The following PHF5A variants were observed in gnomAD, a reference collection of about 807,000 sequenced individuals.
PHF5A encodes the protein PHD finger protein 5A, also known as PHD finger-like domain-containing protein 5A.
For missense variants in PHF5A, 24 were observed against 140.6 expected, an observed-to-expected ratio of 0.17 and a Z score of 4.19; for synonymous variants, 52 against 46.0, an observed-to-expected ratio of 1.13 and a Z score of -0.52.
rs376563899 is a variant in PHF5A at position 41,468,558 on chromosome 22, A to G, written c.52+44T>C. ...GGAACCCCCGACCCCCCAGCTCCTA[A>G]TACCACCCCTGCCCAGACAGCCAGG... is the stretch of plus-strand genomic sequence containing the variant. On this transcript the variant is annotated intron_variant, in intron 1 of 3. Transcript: ENST00000216252. 13 of 1,608,702 alleles carry G rather than the reference A, an allele frequency of 8.1e-6. No homozygotes were observed. In the African/African-American group the frequency reaches 1.7e-4, roughly 21 times the overall value.
intron 3 of PHF5A, 92 bp downstream of exon 3, chr22:41,467,356 A>T (rs1568995439): frequency 1.6e-6 from 2 of 1,237,652 alleles, no homozygotes; most frequent in South Asian, 2.8e-5. Context: ...AGATGAACAC[A>T]GTAATCTCCA....
intron 3 of PHF5A, among the ~76,000 whole-genome samples, chr22:41,465,905 A>AATAT: frequency 1.3e-5 from 2 of 152,006 alleles, no homozygotes; most frequent in Non-Finnish European, 2.9e-5. Context: ...TAAATAAATA[A>AATAT]ATAAAAGGAC....
rs1601866057 is a variant in PHF5A, at chr22:41,464,296, T to G, written c.243+3152A>C. Among the ~76,000 whole-genome samples the G allele has an allele frequency of 2.0e-5, 3 of 152,228 alleles. No individual in the cohort carries two copies. The East Asian group carries it at 5.8e-4, about 29-fold the overall frequency. On this transcript the variant is annotated intron_variant, in intron 3 of 3. Coordinates refer to ENST00000216252, the MANE Select transcript of PHF5A (RefSeq NM_032758.4). Reference sequence around the variant, plus strand: ...ATGAGAATACCTAGCTTAGCTTACCTGTCTAATTCCCTTATCAATTATGAA... The same window carrying G: ...ATGAGAATACCTAGCTTAGCTTACCGGTCTAATTCCCTTATCAATTATGAA...
chr22:41,467,865 T>A (rs2037883136), intron 2 of PHF5A, among the ~76,000 whole-genome samples: 1 of 152,214 alleles, frequency 6.6e-6, no homozygotes, highest in Non-Finnish European at 1.5e-5. Context: ...TAAGCCTGTA[T>A]AATTGCTGGC....
Position 41,460,369 on chromosome 22 carries a change from G to A in PHF5A, c.*29C>T, listed in dbSNP as rs372071367. On this transcript the variant is annotated 3_prime_UTR_variant, in exon 4 of 4. Coordinates refer to ENST00000216252, the MANE Select transcript of PHF5A (RefSeq NM_032758.4). ...TTTCTGGCAGCTGCAGCAGACTGAT[G>A]TTGGGGGGAGGAAGGGGCCACCCAC... 8.3e-5 allele frequency: 129 copies of A among 1,557,724 alleles called. No homozygotes were observed. The African/African-American group carries it at 1.6e-3, about 20-fold the overall frequency.
At chr22:41,464,922 G>A (rs2037854186) in intron 3 of PHF5A, among the ~76,000 whole-genome samples, 2 of 152,180 alleles carry the variant, frequency 1.3e-5, no homozygotes, top group South Asian at 4.1e-4. Context: ...TACCATGCTT[G>A]CACCGCATGT....
chr22:41,466,907 G>T (rs1041907409), intron 3 of PHF5A, among the ~76,000 whole-genome samples: 1 of 151,938 alleles, frequency 6.6e-6, no homozygotes, highest in Non-Finnish European at 1.5e-5. Flanking sequence ...GATCGTTTGA[G>T]CCCAGGGGGT....
rs747791392 is a variant in PHF5A, at chr22:41,460,502, AG to A, written c.244-16del. 5 of 1,584,880 alleles carry A rather than the reference AG, an allele frequency of 3.2e-6. No homozygotes were observed. In the East Asian group the frequency reaches 1.1e-4, roughly 36 times the overall value. ...CAGCCATCTCTCTGGAAAACAGAAC[AG>A]AGAAGTTGTTAAGTCTTTGAGCCTG... is the stretch of plus-strand genomic sequence containing the variant. On this transcript the variant is annotated splice_polypyrimidine_tract_variant and intron_variant, in intron 3 of 3. Transcript: ENST00000216252.
chr22:41,466,938 C>CA (rs1241700649), intron 3 of PHF5A, among the ~76,000 whole-genome samples: 5 of 151,724 alleles, frequency 3.3e-5, no homozygotes, highest in Non-Finnish European at 7.4e-5. Flanking sequence ...GTGAGCCTTG[C>CA]ACATGATCAT....
intron 3 of PHF5A, among the ~76,000 whole-genome samples, chr22:41,462,078 G>A (rs927375810): frequency 6.6e-6 from 1 of 152,184 alleles, no homozygotes; most frequent in African/African-American, 2.4e-5. Flanking sequence ...GATGGCTGTT[G>A]ACAGACCATG....
rs2037817268 is a variant in PHF5A at position 41,460,336 on chromosome 22, A to G, written c.*62T>C. On this transcript the variant is annotated 3_prime_UTR_variant, in exon 4 of 4. Coordinates refer to ENST00000216252, the MANE Select transcript of PHF5A (RefSeq NM_032758.4). ...CTGCTCCCTTTCTGCTGGTAGTAGT[A>G]GGCATGTTTTCTGGCAGCTGCAGCA... 7.4e-7 allele frequency: 1 copy of G among 1,344,880 alleles called. No individual in the cohort carries two copies. The highest frequency in any genetic ancestry group is 1.1e-6 in the Non-Finnish European group (1 of 951,718). The allele number at this position is 1,344,880 out of a possible 1,614,324, so 83.3% of individuals were successfully genotyped here.
In PHF5A at chr22:41,460,286, G is replaced by C. The variant is rs765844652; in HGVS notation, c.*112C>G. 3 of 805,902 alleles carry C rather than the reference G, an allele frequency of 3.7e-6. No homozygotes were observed. The highest frequency in any genetic ancestry group is 5.9e-6 in the Non-Finnish European group (3 of 507,958). The allele number at this position is 805,902 out of a possible 1,614,324, so 49.9% of individuals were successfully genotyped here. ...GTGGCAAGCTGCCAGTACACTAGCA[G>C]GCACTCCTGGTGATGCTCTGGGCTC... is the stretch of plus-strand genomic sequence containing the variant. On this transcript the variant is annotated 3_prime_UTR_variant, in exon 4 of 4. Transcript: ENST00000216252.
intron 3 of PHF5A, among the ~76,000 whole-genome samples, chr22:41,461,641 A>G (rs1224208028): frequency 6.6e-6 from 1 of 151,792 alleles, no homozygotes; most frequent in Non-Finnish European, 1.5e-5. Flanking sequence ...TACAGGCGTG[A>G]GTCACAGTGC....
Position 41,460,353 on chromosome 22 carries a change from G to T in PHF5A, c.*45C>A. On this transcript the variant is annotated 3_prime_UTR_variant, in exon 4 of 4. Coordinates refer to ENST00000216252, the MANE Select transcript of PHF5A (RefSeq NM_032758.4). ...GTAGTAGTAGGCATGTTTTCTGGCA[G>T]CTGCAGCAGACTGATGTTGGGGGGA... 1 of 1,477,976 alleles carries T rather than the reference G, an allele frequency of 6.8e-7. No individual in the cohort carries two copies. The highest frequency in any genetic ancestry group is 9.3e-7 in the Non-Finnish European group (1 of 1,070,632). 91.6% of individuals were successfully genotyped at this position (1,477,976 alleles called of 1,614,324 possible).
In PHF5A at chr22:41,459,886, G is replaced by T. The variant is rs2037812436; in HGVS notation, c.*512C>A. On this transcript the variant is annotated 3_prime_UTR_variant, in exon 4 of 4. Transcript: ENST00000216252. ...TGTTAAACAAGTAAATGCCTTTCAAGAGGGCAGAGCCCTGCCCCCCCACCC... is the reference window on the plus strand; with the variant it reads ...TGTTAAACAAGTAAATGCCTTTCAATAGGGCAGAGCCCTGCCCCCCCACCC... 1 of 119,782 alleles carries T rather than the reference G, an allele frequency of 8.3e-6. No individual in the cohort carries two copies. The highest frequency in any genetic ancestry group is 3.2e-5 in the African/African-American group (1 of 31,212). 7.4% of individuals were successfully genotyped at this position (119,782 alleles called of 1,614,324 possible).
intron 3 of PHF5A, among the ~76,000 whole-genome samples, chr22:41,463,597 C>T (rs1024960768): frequency 1.1e-4 from 12 of 113,264 alleles, no homozygotes; most frequent in Non-Finnish European, 1.1e-4. Context: ...TGGTGGTGCA[C>T]GCCTGTAATC....
Position 41,460,454 on chromosome 22 carries a change from T to C in PHF5A, c.277A>G (p.Ser93Gly). Residue 93 changes from serine (S) to glycine (G), a missense_variant, in exon 4 of 4, where the codon AGC (serine) becomes GGC (glycine). By Grantham distance (56) the Ser-to-Gly change is moderately conservative. Coordinates refer to ENST00000216252, the MANE Select transcript of PHF5A (RefSeq NM_032758.4). ...DGCPKIVNLG[S>G]SKTDLFYERK... ...TCATAGAAGAGGTCTGTCTTAGAGC[T>C]CCCCAGATTGACAATCTTTGGGCAG... The C allele has an allele frequency of 1.2e-6, 2 of 1,601,296 alleles. No individual in the cohort carries two copies. The highest frequency in any genetic ancestry group is 1.7e-6 in the Non-Finnish European group (2 of 1,171,398).
At chr22:41,468,408 C>A (rs980234044) in intron 1 of PHF5A, 194 bp downstream of exon 1, 3 of 593,814 alleles carry the variant, frequency 5.1e-6, no homozygotes, top group Non-Finnish European at 8.8e-6. Context: ...CTGCCTGGGG[C>A]TCCCAGCACG....
chr22:41,460,050 T>C lies in PHF5A; in HGVS notation c.*348A>G, dbSNP rs894936274. 1 of 155,198 alleles carries C rather than the reference T, an allele frequency of 6.4e-6. No homozygotes were observed. The highest frequency in any genetic ancestry group is 2.4e-5 in the African/African-American group (1 of 41,238). 9.6% of individuals were successfully genotyped at this position (155,198 alleles called of 1,614,324 possible). Reference sequence around the variant, plus strand: ...TCACTGGGCGTCGCTTCACAGTCAGTTCCTCAAGCAGAAGACTAAAATATT... The same window carrying C: ...TCACTGGGCGTCGCTTCACAGTCAGCTCCTCAAGCAGAAGACTAAAATATT... On this transcript the variant is annotated 3_prime_UTR_variant, in exon 4 of 4. Coordinates refer to ENST00000216252, the MANE Select transcript of PHF5A (RefSeq NM_032758.4).
Sources: allele counts gnomAD v4.1 joint callset (sites outside exome capture counted in the v4.1 genomes callset), GRCh38; gene constraint gnomAD v4.1.1; transcripts MANE v1.5; gene names NCBI Gene and HGNC (gene_info 2026-07-23, HGNC 2026-07-21).